The following DPP6 variants were observed in gnomAD, a reference collection of about 807,000 sequenced individuals.
The protein encoded by DPP6 is A-type potassium channel modulatory protein DPP6.
Under a neutral mutation model 122.6 loss-of-function variants are expected in DPP6, and 69 were observed. That is an observed-to-expected ratio of 0.56 (90% CI 0.46 to 0.69). The LOEUF is 0.69. Ranked by LOEUF, DPP6 falls within the 30% of genes least tolerant of loss-of-function variation. The probability of loss-of-function intolerance (pLI) is 0.00; values close to 1 mark genes in which losing one functional copy is unlikely to be tolerated. For synonymous variants in DPP6, 418 were observed against 433.1 expected (o/e 0.97, Z 0.43); for missense variants, 928 against 1,116.9 (o/e 0.83, Z 2.41).
the DPP6 span, among the ~76,000 whole-genome samples, chr7:153,778,974 A>T: frequency 1.4e-5 from 2 of 147,614 alleles, no homozygotes; most frequent in African/African-American, 5.4e-5. Flanking sequence ...TGTTACTTTC[A>T]TGCAGTGGAA....
At chr7:154,695,893 TCAAA>T (rs1404464217) in intron 7 of DPP6, among the ~76,000 whole-genome samples, 1 of 152,148 alleles carries the variant, frequency 6.6e-6, no homozygotes, top group Non-Finnish European at 1.5e-5. Context: ...TCCTTCCTGA[TCAAA>T]CAAGCGGACC....
intron 12 of DPP6, among the ~76,000 whole-genome samples, chr7:154,796,454 C>T (rs1798055616): frequency 6.6e-6 from 1 of 152,220 alleles, no homozygotes; most frequent in Non-Finnish European, 1.5e-5. Context: ...CCAGGTAAAT[C>T]ATTCTGAGAC....
chr7:153,904,935 A>G (rs1799788212), intron 1 of DPP6, among the ~76,000 whole-genome samples: 1 of 152,250 alleles, frequency 6.6e-6, no homozygotes, highest in South Asian at 2.1e-4. Flanking sequence ...ATAGACAGGA[A>G]GCTGTCCATT....
chr7:154,683,196 C>A (rs752382840), intron 7 of DPP6, among the ~76,000 whole-genome samples: 1 of 152,150 alleles, frequency 6.6e-6, no homozygotes, highest in Non-Finnish European at 1.5e-5. Context: ...ATTTAATTAA[C>A]GTACACTATG....
intron 1 of DPP6, among the ~76,000 whole-genome samples, chr7:154,142,871 G>C (rs529612812): frequency 2.5e-3 from 349 of 139,602 alleles, no homozygotes; most frequent in African/African-American, 8.6e-3. Context: ...ATCTGCTCTC[G>C]GCATGGTAGC....
intron 1 of DPP6, among the ~76,000 whole-genome samples, chr7:154,307,987 T>TTG (rs977694008): frequency 3.3e-5 from 5 of 151,982 alleles, no homozygotes; most frequent in African/African-American, 1.2e-4. Context: ...TCACCAAGTG[T>TTG]TGATTCTTAT....
chr7:154,701,927 A>T (rs117170188), intron 7 of DPP6, among the ~76,000 whole-genome samples: 2 of 152,308 alleles, frequency 1.3e-5, no homozygotes, highest in African/African-American at 2.4e-5. Flanking sequence ...TGCTTTGCAC[A>T]TATTGGGTTT....
rs541556577 is a variant in DPP6, at chr7:153,950,930, G to A, written c.51+63196G>A. Among the ~76,000 whole-genome samples the A allele has an allele frequency of 4.6e-5, 7 of 152,314 alleles. No individual in the cohort carries two copies. In the South Asian group the frequency reaches 1.4e-3, roughly 32 times the overall value. ...CAAGCCACGTAGGTGTGCGTGCGGT[G>A]CCCTAGGGAGAGAAGACAGGATGGA... On this transcript the variant is annotated intron_variant, in intron 1 of 25. Coordinates refer to the DPP6 transcript ENST00000404039.
intron 1 of DPP6, among the ~76,000 whole-genome samples, chr7:154,373,101 T>G (rs898137492): frequency 5.1e-4 from 78 of 152,174 alleles, no homozygotes; most frequent in Non-Finnish European, 8.8e-5. Flanking sequence ...CCTCACATTC[T>G]TTCATTTAAA....
the DPP6 span, among the ~76,000 whole-genome samples, chr7:153,812,920 C>T: frequency 3.3e-5 from 5 of 151,976 alleles, no homozygotes; most frequent in Non-Finnish European, 7.3e-5. Context: ...AAAAAAGAGA[C>T]GTCTTTACAT....
At chr7:154,493,809 G>C (rs1430185562) in intron 3 of DPP6, among the ~76,000 whole-genome samples, 1 of 152,142 alleles carries the variant, frequency 6.6e-6, no homozygotes, top group Admixed American at 6.5e-5. Flanking sequence ...CTCTGTATAC[G>C]GATGCAGGCA....
At chr7:154,840,923 C>T (rs1801476652) in intron 16 of DPP6, among the ~76,000 whole-genome samples, 1 of 152,184 alleles carries the variant, frequency 6.6e-6, no homozygotes, top group Non-Finnish European at 1.5e-5. Context: ...CTATCGGCGA[C>T]TGTCAATTGG....
chr7:154,764,162 G>A (rs920490055), intron 8 of DPP6, among the ~76,000 whole-genome samples: 8 of 152,108 alleles, frequency 5.3e-5, no homozygotes, highest in African/African-American at 1.9e-4. Context: ...CCGGGCTTGG[G>A]TCCTTTGTAG....
At chr7:153,900,754 A>G (rs1799611157) in intron 1 of DPP6, among the ~76,000 whole-genome samples, 1 of 152,176 alleles carries the variant, frequency 6.6e-6, no homozygotes, top group Non-Finnish European at 1.5e-5. Flanking sequence ...CATCCAAACT[A>G]TAGCAGCACC....
intron 1 of DPP6, among the ~76,000 whole-genome samples, chr7:153,996,715 A>G (rs183769499): frequency 4.4e-4 from 67 of 152,180 alleles, no homozygotes; most frequent in Admixed American, 7.9e-4. Flanking sequence ...ATGTTGTTGA[A>G]TATTTAAATC....
At chr7:154,779,268 TCACCACCTCCAC>T (rs1796870439) in intron 10 of DPP6, among the ~76,000 whole-genome samples, 1 of 54,314 alleles carries the variant, frequency 1.8e-5, no homozygotes, top group Non-Finnish European at 4.1e-5. Flanking sequence ...ACCACCCCTA[TCACCACCTCCAC>T]CACCACCCCC....
chr7:154,234,194 G>T (rs1222279248), intron 1 of DPP6, among the ~76,000 whole-genome samples: 1 of 152,128 alleles, frequency 6.6e-6, no homozygotes, highest in African/African-American at 2.4e-5. Flanking sequence ...GCAGGAAAAA[G>T]GTGACAACTT....
chr7:154,668,197 T>A lies in DPP6; in HGVS notation c.681-1163T>A, dbSNP rs867016835. 4.4e-3 allele frequency among the ~76,000 whole-genome samples: 161 copies of A among 36,390 alleles called. 1 individual carries two copies. Among genetic ancestry groups the A allele is most frequent in the African/African-American group, 5.7e-3 (96 of 16,920 alleles). The allele number at this position is 36,390 out of a possible 152,430, so 23.9% of individuals were successfully genotyped here. ...GTGCATTCCCAGCTATGTGTATATT[T>A]TATATATATATATATATATATAATA... On this transcript the variant is annotated intron_variant, in intron 6 of 25. Coordinates refer to ENST00000377770, the MANE Select transcript of DPP6 (RefSeq NM_130797.4).
intron 3 of DPP6, among the ~76,000 whole-genome samples, chr7:154,536,616 GC>G (rs1828276661): frequency 6.6e-6 from 1 of 152,022 alleles, no homozygotes; most frequent in Non-Finnish European, 1.5e-5. Flanking sequence ...ATAATAAACA[GC>G]AAAATCCTAA....
Sources: allele counts gnomAD v4.1 joint callset (sites outside exome capture counted in the v4.1 genomes callset), GRCh38; gene constraint gnomAD v4.1.1; transcripts MANE v1.5; gene names NCBI Gene and HGNC (gene_info 2026-07-23, HGNC 2026-07-21).